RAPGEF4: variants seen among roughly 807,000 people sequenced by gnomAD.
RAPGEF4 encodes RAP guanine-nucleotide-exchange factor (GEF) 4.
In RAPGEF4, 66 loss-of-function variants were observed where a neutral mutation model predicts 147.9. The observed-to-expected ratio is 0.45, with a 90% CI of 0.37 to 0.55. The LOEUF (loss-of-function observed/expected upper bound fraction) is 0.55, where lower values mean the gene tolerates loss of function less well. RAPGEF4 is among the 20% of genes least tolerant of loss of function. The pLI is 0.00. For synonymous variants in RAPGEF4, 419 were observed against 442.7 expected, an observed-to-expected ratio of 0.95 and a Z score of 0.67; for missense variants, 1,071 against 1,257.3, an observed-to-expected ratio of 0.85 and a Z score of 2.24.
At chr2:173,018,848 C>T in intron 22 of RAPGEF4, 46 bp downstream of exon 22, 1 of 1,591,528 alleles carries the variant, frequency 6.3e-7, no homozygotes, top group South Asian at 1.1e-5. Context: ...ATGGGACATT[C>T]CATCCAAGCA....
intron 29 of RAPGEF4, among the ~76,000 whole-genome samples, chr2:173,047,400 A>T (rs1685611319): frequency 6.6e-6 from 1 of 152,250 alleles, no homozygotes; most frequent in Non-Finnish European, 1.5e-5. Flanking sequence ...TAAAAGGTCA[A>T]ATCAATTATA....
chr2:172,986,121 A>G (rs1217806129), intron 12 of RAPGEF4, among the ~76,000 whole-genome samples: 2 of 152,258 alleles, frequency 1.3e-5, no homozygotes, highest in Non-Finnish European at 2.9e-5. Context: ...TACTACTCCT[A>G]CAAAAATCTG....
chr2:173,020,257 G>C (rs965162076), intron 22 of RAPGEF4, among the ~76,000 whole-genome samples: 3 of 152,164 alleles, frequency 2.0e-5, no homozygotes, highest in Non-Finnish European at 4.4e-5. Context: ...TTTTTAAAAA[G>C]TGATCTTTCT....
intron 4 of RAPGEF4, among the ~76,000 whole-genome samples, chr2:172,915,783 A>G (rs916296610): frequency 6.6e-6 from 1 of 151,620 alleles, no homozygotes; most frequent in African/African-American, 2.4e-5. Flanking sequence ...TGTAGATGAA[A>G]TAGTATTGGT....
intron 17 of RAPGEF4, among the ~76,000 whole-genome samples, chr2:173,011,159 A>AGCGCGCGC (rs147557642): frequency 0.027 from 3,435 of 128,294 alleles, 231 homozygotes; most frequent in African/African-American, 0.099. Context: ...TTGGAACTTC[A>AGCGCGCGC]GCGCGCGCGC....
chr2:172,957,358 G>T (rs1187868895), intron 6 of RAPGEF4, among the ~76,000 whole-genome samples: 2 of 152,120 alleles, frequency 1.3e-5, no homozygotes, highest in African/African-American at 4.8e-5. Context: ...AACTTTACTT[G>T]AAAACCAAGG....
chr2:172,754,770 C>T (rs1695607094), intron 1 of RAPGEF4, among the ~76,000 whole-genome samples: 1 of 152,164 alleles, frequency 6.6e-6, no homozygotes, highest in Admixed American at 6.5e-5. Context: ...AGGCCAGGCA[C>T]GGTGGCTCAT....
chr2:172,782,427 A>G (rs1207944121), intron 1 of RAPGEF4, among the ~76,000 whole-genome samples: 1 of 152,130 alleles, frequency 6.6e-6, no homozygotes, highest in Non-Finnish European at 1.5e-5. Context: ...GTCTCCCTCT[A>G]GTTACCCAGG....
intron 23 of RAPGEF4, among the ~76,000 whole-genome samples, chr2:173,022,979 T>C (rs1386826216): frequency 2.0e-5 from 3 of 152,164 alleles, no homozygotes; most frequent in Non-Finnish European, 4.4e-5. Flanking sequence ...TCGCAGGCAT[T>C]GTAGATGGTT....
intron 10 of RAPGEF4, among the ~76,000 whole-genome samples, chr2:172,975,962 A>G (rs1475242229): frequency 1.3e-5 from 2 of 151,236 alleles, no homozygotes; most frequent in African/African-American, 4.9e-5. Context: ...AATGTGATCA[A>G]ACCACATTGT....
chr2:172,763,465 T>A (rs1696534433), intron 1 of RAPGEF4, among the ~76,000 whole-genome samples: 1 of 152,134 alleles, frequency 6.6e-6, no homozygotes, highest in South Asian at 2.1e-4. Flanking sequence ...GATCAGACTT[T>A]GAGAACATAC....
chr2:173,025,958 G>T (rs1426084068), intron 23 of RAPGEF4, among the ~76,000 whole-genome samples: 1 of 152,230 alleles, frequency 6.6e-6, no homozygotes, highest in Non-Finnish European at 1.5e-5. Context: ...GCTTTCTAAT[G>T]TCTAGCCCAA....
chr2:172,809,355 G>A (rs1396837885), intron 3 of RAPGEF4, among the ~76,000 whole-genome samples: 1 of 152,124 alleles, frequency 6.6e-6, no homozygotes, highest in Non-Finnish European at 1.5e-5. Context: ...AGAGGAACTG[G>A]GACCCAGGAA....
chr2:172,847,203 G>T (rs77274910), intron 4 of RAPGEF4, among the ~76,000 whole-genome samples: 1 of 152,188 alleles, frequency 6.6e-6, no homozygotes, highest in African/African-American at 2.4e-5. Flanking sequence ...CACAGGTACA[G>T]AAGAGAAAAT....
intron 6 of RAPGEF4, among the ~76,000 whole-genome samples, chr2:172,952,203 G>A (rs1283660479): frequency 6.6e-6 from 1 of 152,046 alleles, no homozygotes; most frequent in Non-Finnish European, 1.5e-5. Context: ...AGATTATAAA[G>A]GGAAATGTCA....
At chr2:172,763,554 G>A (rs1408007887) in intron 1 of RAPGEF4, among the ~76,000 whole-genome samples, 1 of 152,184 alleles carries the variant, frequency 6.6e-6, no homozygotes, top group Non-Finnish European at 1.5e-5. Context: ...GAACATCAGA[G>A]GGTCTTATGT....
At chr2:172,917,901 A>T (rs926727976) in intron 5 of RAPGEF4, 27 bp downstream of exon 5, 15 of 1,598,096 alleles carry the variant, frequency 9.4e-6, no homozygotes, top group Non-Finnish European at 1.2e-5. Flanking sequence ...AACATTTTGT[A>T]TCTAAAAATT....
intron 17 of RAPGEF4, among the ~76,000 whole-genome samples, chr2:173,006,429 T>C (rs1269783360): frequency 6.6e-6 from 1 of 152,244 alleles, no homozygotes; most frequent in Non-Finnish European, 1.5e-5. Context: ...TTTGTTAGTA[T>C]ACTAATTTTC....
At chr2:172,794,881 T>G in intron 1 of RAPGEF4, 144 bp from the exon 2 acceptor site, 1 of 838,294 alleles carries the variant, frequency 1.2e-6, no homozygotes, top group East Asian at 2.5e-5. Flanking sequence ...GAAATACCTA[T>G]AAGGGGGTGG....
Sources: gnomAD v4.1 joint callset for allele counts (sites outside exome capture counted in the v4.1 genomes callset) on GRCh38, gnomAD v4.1.1 for gene constraint, MANE v1.5 for transcripts, NCBI Gene and HGNC (gene_info 2026-07-23, HGNC 2026-07-21) for gene names.